Variants in SHROOM2 observed in about 807,000 individuals in gnomAD.
SHROOM2 encodes the protein protein Shroom2.
A neutral mutation model predicts 75.9 loss-of-function variants in SHROOM2; 33 were observed. The observed-to-expected ratio is 0.43, with a 90% CI of 0.33 to 0.58. The LOEUF is 0.58. Among genes scored for constraint, SHROOM2 ranks in the 20% least tolerant of loss-of-function variants. The pLI is 0.04. For missense variants in SHROOM2, 1,434 were observed against 1,461.2 expected, an observed-to-expected ratio of 0.98 and a Z score of 0.30; for synonymous variants, 655 against 663.6, an observed-to-expected ratio of 0.99 and a Z score of 0.20.
intron 5 of SHROOM2, among the ~76,000 whole-genome samples, chrX:9,914,652 G>A (rs747900924): frequency 9.9e-5 from 11 of 111,413 alleles, no homozygotes; most frequent in South Asian, 3.8e-4. Flanking sequence ...CATATTTGCC[G>A]ACACCTTATT....
At chrX:9,842,640 C>G (rs1182575139) in intron 1 of SHROOM2, among the ~76,000 whole-genome samples, 2 of 112,504 alleles carry the variant, frequency 1.8e-5, no homozygotes, top group African/African-American at 6.5e-5. Context: ...AAGGAATTCC[C>G]CCTCTTCCTC....
chrX:9,891,819 T>C (rs2084294589), intron 3 of SHROOM2, among the ~76,000 whole-genome samples: 1 of 110,863 alleles, frequency 9.0e-6, no homozygotes, highest in South Asian at 3.9e-4. Context: ...TGCATGTGTG[T>C]GCACATGTAT....
intron 1 of SHROOM2, among the ~76,000 whole-genome samples, chrX:9,827,184 G>A (rs1009467952): frequency 9.6e-6 from 1 of 104,537 alleles, no homozygotes; most frequent in Non-Finnish European, 2.0e-5. Flanking sequence ...TGGATGGAGG[G>A]TTATGGTCTT....
intron 2 of SHROOM2, among the ~76,000 whole-genome samples, chrX:9,889,742 T>TG (rs928791759): frequency 8.9e-6 from 1 of 111,888 alleles, no homozygotes; most frequent in African/African-American, 3.2e-5. Flanking sequence ...CATGACTCCC[T>TG]GGGGGGATCT....
Position 9,939,207 on chromosome X carries a change from C to T in SHROOM2, c.4152C>T (p.Pro1384=), listed in dbSNP as rs200100847. The T allele has an allele frequency of 2.7e-4, 323 of 1,204,322 alleles. No homozygotes were observed. Among genetic ancestry groups the T allele is most frequent in the Middle Eastern group, 4.7e-4 (2 of 4,294 alleles). The change falls in exon 8 of 10, where the codon CCC becomes CCT. Residue 1384 remains proline, a synonymous_variant. Transcript: ENST00000380913. ...PRSTEERKEE[P]SVPAAVSLAT... ...CACCTTTACCCAGGAAAGAGGAGCC[C>T]AGCGTGCCTGCGGCCGTGTCCCTGG...
At chrX:9,929,313 GTGC>G (rs1399452568) in intron 5 of SHROOM2, among the ~76,000 whole-genome samples, 7 of 112,362 alleles carry the variant, frequency 6.2e-5, no homozygotes, top group Admixed American at 2.8e-4. Context: ...AGACATTGCT[GTGC>G]TGCTGCAGGT....
intron 6 of SHROOM2, among the ~76,000 whole-genome samples, chrX:9,936,040 T>C (rs1037890691): frequency 1.9e-4 from 21 of 111,114 alleles, no homozygotes; most frequent in Non-Finnish European, 4.0e-4. Flanking sequence ...CCTCCTGTTC[T>C]CTCTCCCCCA....
chrX:9,843,427 C>G (rs1240395996), intron 1 of SHROOM2, among the ~76,000 whole-genome samples: 1 of 108,938 alleles, frequency 9.2e-6, no homozygotes. Context: ...GAGACAAGGC[C>G]TCTCTCTGTT....
rs373819870 is a variant in SHROOM2 at position 9,896,219 on chromosome X, G to A, written c.2311G>A (p.Glu771Lys). Residue 771 changes from glutamate (E) to lysine (K), a missense_variant, in exon 4 of 10, where the codon GAG becomes AAG. This residue lies in a region of SHROOM2 where 1,340 missense variants were observed against 1,338.3 expected (regional missense o/e 1.00). Transcript: ENST00000380913. ...CTACTCGGAACCTGAGAAGATGAAC[G>A]AGGTGGGCCTCACGAGGGGCTACAG... Reference protein sequence around the residue: ...KSYSEPEKMNEVGLTRGYSPH... With the variant: ...KSYSEPEKMNKVGLTRGYSPH... 2.8e-5 allele frequency: 34 copies of A among 1,210,713 alleles called. No individual in the cohort carries two copies. The highest frequency in any genetic ancestry group is 1.8e-4 in the East Asian group (6 of 33,773).
intron 1 of SHROOM2, among the ~76,000 whole-genome samples, chrX:9,861,464 C>G (rs1331181956): frequency 8.9e-6 from 1 of 112,085 alleles, no homozygotes; most frequent in Non-Finnish European, 1.9e-5. Context: ...GCCACCATGC[C>G]CGGCATATAT....
chrX:9,867,030 C>T (rs1357571950), intron 1 of SHROOM2, among the ~76,000 whole-genome samples: 2 of 110,886 alleles, frequency 1.8e-5, no homozygotes, highest in Non-Finnish European at 3.8e-5. Context: ...TTCTTTTCAG[C>T]GTGAGCCTGC....
At chrX:9,936,423 A>T (rs191183764) in intron 6 of SHROOM2, among the ~76,000 whole-genome samples, 10,992 of 108,792 alleles carry the variant, frequency 0.1, 467 homozygotes, top group South Asian at 0.14. Context: ...ACACTTTTTT[A>T]AAAAAAAAGC....
rs146625316 is a variant in SHROOM2 at position 9,944,740 on chromosome X, G to A, written c.4411G>A (p.Glu1471Lys). 5.5e-5 allele frequency: 66 copies of A among 1,210,834 alleles called. No homozygotes were observed. The highest frequency in any genetic ancestry group is 1.0e-4 in the African/African-American group (6 of 57,478). Residue 1471 changes from glutamate (E) to lysine (K), a missense_variant, in exon 9 of 10, where the codon GAG (glutamate) becomes AAG (lysine). Transcript: ENST00000380913. ...GCAGGCCAACACCGTGCTGGGGGCC[G>A]AGGTGGAGGCCATCGTGAAAGGCGT... is the stretch of plus-strand genomic sequence containing the variant. ...DVQANTVLGA[E>K]VEAIVKGVCK... is the part of the protein sequence containing the mutation.
intron 6 of SHROOM2, among the ~76,000 whole-genome samples, chrX:9,933,528 C>G (rs1416504575): frequency 8.9e-6 from 1 of 111,767 alleles, no homozygotes; most frequent in Non-Finnish European, 1.9e-5. Context: ...CCCAGCACGT[C>G]GAGAGTTCAA....
At chrX:9,829,582 A>C (rs1347457855) in intron 1 of SHROOM2, among the ~76,000 whole-genome samples, 1 of 112,066 alleles carries the variant, frequency 8.9e-6, no homozygotes, top group African/African-American at 3.2e-5. Context: ...GCAGGGACAC[A>C]TTGAGATTCT....
chrX:9,811,249 A>G (rs1451384084), intron 1 of SHROOM2, among the ~76,000 whole-genome samples: 1 of 111,904 alleles, frequency 8.9e-6, no homozygotes, highest in Non-Finnish European at 1.9e-5. Context: ...AGCAGTGGCC[A>G]TAGCCAGGTC....
intron 1 of SHROOM2, among the ~76,000 whole-genome samples, chrX:9,800,935 G>A (rs1264004550): frequency 1.8e-5 from 2 of 111,252 alleles, no homozygotes; most frequent in African/African-American, 6.5e-5. Flanking sequence ...ATGTTTTATC[G>A]ATCCTGCCTA....
At chrX:9,945,074 C>T (rs762648996) in intron 9 of SHROOM2, among the ~76,000 whole-genome samples, 161 bp downstream of exon 9, 1 of 105,590 alleles carries the variant, frequency 9.5e-6, no homozygotes, top group South Asian at 4.2e-4. Context: ...GCTCTATACC[C>T]TCTCCTTCCT....
At chrX:9,843,775 G>A (rs1277126194) in intron 1 of SHROOM2, among the ~76,000 whole-genome samples, 1 of 112,362 alleles carries the variant, frequency 8.9e-6, no homozygotes. Flanking sequence ...CCTTGTTATT[G>A]ATGACTCTGA....
Sources: allele counts gnomAD v4.1 joint callset (sites outside exome capture counted in the v4.1 genomes callset), GRCh38; gene constraint gnomAD v4.1.1; regional missense constraint gnomAD v4.1.1; transcripts MANE v1.5; gene names NCBI Gene and HGNC (gene_info 2026-07-23, HGNC 2026-07-21).